Variants in TMEM263 observed in about 807,000 individuals in gnomAD.
TMEM263 encodes the protein UPF0444 transmembrane protein C12orf23.
TMEM263 carries 5 observed loss-of-function variants against 8.6 expected under a neutral mutation model. The observed-to-expected ratio is 0.58, with a 90% CI of 0.31 to 1.23. The LOEUF (loss-of-function observed/expected upper bound fraction) is 1.23, where lower values mean the gene tolerates loss of function less well. Among genes scored for constraint, TMEM263 ranks in the 50% most tolerant of loss-of-function variants. TMEM263 has a pLI of 0.07. For synonymous variants in TMEM263, 50 were observed against 47.9 expected (o/e 1.04, Z -0.18); for missense variants, 104 against 138.8 (o/e 0.75, Z 1.26).
At position 106,961,737 on chromosome 12, in the gene TMEM263, G is replaced by A. The variant is rs750650352; in HGVS notation, c.-7+4588G>A. ...GAAGAAATTTCTTATGTGGAGTTCC[G>A]TATCAGAGCTATTAAGTGTTGTAGT... On this transcript the variant is annotated intron_variant, in intron 2 of 3. Transcript: ENST00000280756. Among the ~76,000 whole-genome samples the A allele has an allele frequency of 3.2e-4, 48 of 152,276 alleles. 1 individual carries two copies. The highest frequency in any genetic ancestry group is 4.1e-4 in the South Asian group (2 of 4,820).
chr12:106,969,076 A>G (rs539695070), intron 3 of TMEM263, among the ~76,000 whole-genome samples: 3 of 152,308 alleles, frequency 2.0e-5, no homozygotes, highest in Non-Finnish European at 4.4e-5. Context: ...TTTATGCACT[A>G]TTTTGCAAAG....
intron 1 of TMEM263, 64 bp downstream of exon 1, chr12:106,956,129 T>C (rs1593459354): frequency 1.1e-6 from 1 of 876,734 alleles, no homozygotes. Flanking sequence ...TCCGTCGCCC[T>C]CTGCCGTCGG....
intron 3 of TMEM263, among the ~76,000 whole-genome samples, chr12:106,969,891 A>G (rs1455407250): frequency 6.6e-6 from 1 of 151,768 alleles, no homozygotes; most frequent in Non-Finnish European, 1.5e-5. Flanking sequence ...AAAAAAAACA[A>G]AGAAAATAAA....
intron 2 of TMEM263, among the ~76,000 whole-genome samples, chr12:106,965,866 C>CAA (rs1951838216): frequency 6.6e-6 from 1 of 151,916 alleles, no homozygotes; most frequent in South Asian, 2.1e-4. Context: ...GCTTTAAGAA[C>CAA]AGCAAAAAGT....
chr12:106,964,136 AG>A (rs2136766238), intron 2 of TMEM263, among the ~76,000 whole-genome samples: 1 of 152,326 alleles, frequency 6.6e-6, no homozygotes, highest in Admixed American at 6.5e-5. Flanking sequence ...ATTGTCCAGC[AG>A]GGAAGTAAGT....
chr12:106,956,257 TG>T (rs1466245623), intron 1 of TMEM263, among the ~76,000 whole-genome samples, 192 bp downstream of exon 1: 1 of 152,102 alleles, frequency 6.6e-6, no homozygotes, highest in African/African-American at 2.4e-5. Flanking sequence ...GGTTCGCTTC[TG>T]GGGCTACTCC....
At chr12:106,967,296 CA>C (rs1401651736) in intron 3 of TMEM263, 116 bp downstream of exon 3, 1 of 683,386 alleles carries the variant, frequency 1.5e-6, no homozygotes, top group Non-Finnish European at 2.3e-6. Context: ...CTTACTCTGT[CA>C]ACCCAGGCTG....
rs1241618068 is a variant in TMEM263, at chr12:106,973,273, T to C, written c.*1882T>C. On this transcript the variant is annotated 3_prime_UTR_variant, in exon 4 of 4. Coordinates refer to ENST00000280756, the MANE Select transcript of TMEM263 (RefSeq NM_152261.4). Reference sequence around the variant, plus strand: ...AAACTCCAAAATCACTAAATAATTATCTAAATAATGGTATTGGAGAACTTG... The same window carrying C: ...AAACTCCAAAATCACTAAATAATTACCTAAATAATGGTATTGGAGAACTTG... 2 of 152,498 alleles carry C rather than the reference T, an allele frequency of 1.3e-5. No homozygotes were observed. The highest frequency in any genetic ancestry group is 4.8e-5 in the African/African-American group (2 of 41,428). 9.4% of individuals were successfully genotyped at this position (152,498 alleles called of 1,614,324 possible).
At chr12:106,957,414 T>C (rs1951714688) in intron 2 of TMEM263, among the ~76,000 whole-genome samples, 1 of 152,096 alleles carries the variant, frequency 6.6e-6, no homozygotes, top group African/African-American at 2.4e-5. Context: ...GGTTGCTACA[T>C]TGGACAAATA....
intron 2 of TMEM263, among the ~76,000 whole-genome samples, chr12:106,961,286 TC>T (rs1329753836): frequency 2.1e-5 from 3 of 143,194 alleles, no homozygotes; most frequent in African/African-American, 7.9e-5. Flanking sequence ...CATTATGTTT[TC>T]CTGGTCTTGA....
rs3803123 is a variant in TMEM263 at position 106,960,819 on chromosome 12, T to C, written c.-7+3670T>C. ...GTATTTTAAATTACTCTAGATTAAA[T>C]GCAGGCATTATGTCTCTCCTGTGTA... On this transcript the variant is annotated intron_variant, in intron 2 of 3. Coordinates refer to ENST00000280756, the MANE Select transcript of TMEM263 (RefSeq NM_152261.4). Among the ~76,000 whole-genome samples, 20 of 152,358 alleles carry C rather than the reference T, an allele frequency of 1.3e-4. No individual in the cohort carries two copies. In the East Asian group the frequency reaches 3.9e-3, roughly 29 times the overall value.
At chr12:106,968,688 A>G (rs1179713861) in intron 3 of TMEM263, among the ~76,000 whole-genome samples, 1 of 152,212 alleles carries the variant, frequency 6.6e-6, no homozygotes, top group Non-Finnish European at 1.5e-5. Context: ...TTAAGAGTAT[A>G]CTGTAATAAA....
chr12:106,957,204 G>GTGTGTGTGTGTGTGTA, intron 2 of TMEM263, 55 bp downstream of exon 2: 1 of 906,864 alleles, frequency 1.1e-6, no homozygotes, highest in East Asian at 1.2e-4. Flanking sequence ...GTGTGTGTGT[G>GTGTGTGTGTGTGTGTA]TGTGTGTATG....
intron 3 of TMEM263, chr12:106,967,465 T>C (rs1179539651): frequency 8.1e-6 from 2 of 247,134 alleles, no homozygotes; most frequent in Non-Finnish European, 1.5e-5. Context: ...TTCATCATGC[T>C]GGCCAGGGTG....
rs11550493 is a variant in TMEM263 at position 106,955,928 on chromosome 12, C to G, written c.-212C>G. The G allele has an allele frequency of 2.0e-6, 2 of 985,684 alleles. No individual in the cohort carries two copies. Among genetic ancestry groups the G allele is most frequent in the Non-Finnish European group, 2.4e-6 (2 of 830,306 alleles). 61.1% of individuals were successfully genotyped at this position (985,684 alleles called of 1,614,324 possible). A position where few individuals can be genotyped will look rare whatever the true frequency, so the allele number is the denominator to read the frequency against. ...CGCCACAGTCTTCCAGCTCCACATC[C>G]TGAGAGGACGCCTCTGGAGCCGCGA... On this transcript the variant is annotated 5_prime_UTR_variant, in exon 1 of 4. Transcript: ENST00000280756.
At chr12:106,962,676 G>A (rs1358049353) in intron 2 of TMEM263, among the ~76,000 whole-genome samples, 1 of 152,100 alleles carries the variant, frequency 6.6e-6, no homozygotes, top group Non-Finnish European at 1.5e-5. Flanking sequence ...CCAATTGCCT[G>A]CTGAACAAGT....
intron 2 of TMEM263, among the ~76,000 whole-genome samples, chr12:106,957,388 C>T (rs909113228): frequency 5.3e-5 from 8 of 151,802 alleles, no homozygotes; most frequent in Non-Finnish European, 1.0e-4. Context: ...TAGAAAGCAT[C>T]GTTAGAAATT....
chr12:106,962,704 A>G (rs1283347539), intron 2 of TMEM263, among the ~76,000 whole-genome samples: 2 of 152,226 alleles, frequency 1.3e-5, no homozygotes, highest in East Asian at 3.9e-4. Flanking sequence ...CCCTGAAGGC[A>G]TTTCAAATAC....
At chr12:106,961,329 A>G (rs555701673) in intron 2 of TMEM263, among the ~76,000 whole-genome samples, 2 of 138,994 alleles carry the variant, frequency 1.4e-5, no homozygotes, top group African/African-American at 5.5e-5. Context: ...TCTAACCTCA[A>G]CCTCCCAAAG....
Sources: allele counts gnomAD v4.1 joint callset (sites outside exome capture counted in the v4.1 genomes callset), GRCh38; gene constraint gnomAD v4.1.1; transcripts MANE v1.5; gene names NCBI Gene and HGNC (gene_info 2026-07-23, HGNC 2026-07-21).